Variants in DOCK9 observed in about 807,000 individuals in gnomAD.
The protein encoded by DOCK9 is dedicator of cytokinesis protein 9.
In DOCK9, 89 loss-of-function variants were observed where a neutral mutation model predicts 263.3. The observed-to-expected ratio is 0.34, with a 90% CI of 0.28 to 0.40. DOCK9 has a LOEUF of 0.40. DOCK9 is among the 10% of genes least tolerant of loss of function. DOCK9 has a pLI of 1.00. For missense variants in DOCK9, 2,140 were observed against 2,603.4 expected, an observed-to-expected ratio of 0.82 and a Z score of 3.87; for synonymous variants, 976 against 973.1, an observed-to-expected ratio of 1.00 and a Z score of -0.06.
intron 1 of DOCK9, among the ~76,000 whole-genome samples, chr13:99,050,980 G>GT (rs1185380641): frequency 1.3e-5 from 2 of 152,214 alleles, no homozygotes; most frequent in Non-Finnish European, 2.9e-5. Context: ...ACAGGTGGAC[G>GT]TAAGAAGGAT....
At position 98,800,456 on chromosome 13, in the gene DOCK9, C is replaced by T. The variant is rs894001068; in HGVS notation, c.5748G>A (p.Val1916=). Residue 1916 remains valine, a synonymous_variant, in exon 50 of 53, where the codon GTG becomes GTA. Coordinates refer to ENST00000682017, the MANE Select transcript of DOCK9 (RefSeq NM_001366683.2). ...GGTACATGACAGGGATGCGCTTCTT[C>T]ACATAAGGGAAGCAGTGTATGGCTG... ...ILTAIHCFPY[V]KKRIPVMYQH... 1.2e-6 allele frequency: 2 copies of T among 1,613,986 alleles called. No homozygotes were observed. Among genetic ancestry groups the T allele is most frequent in the Non-Finnish European group, 1.7e-6 (2 of 1,179,872 alleles).
intron 45 of DOCK9, among the ~76,000 whole-genome samples, chr13:98,822,796 C>A (rs1244836349): frequency 6.6e-6 from 1 of 151,988 alleles, no homozygotes; most frequent in African/African-American, 2.4e-5. Context: ...ACCTAGAAAA[C>A]TTTATTGGGG....
intron 1 of DOCK9, 79 bp downstream of exon 1, chr13:98,977,705 G>A: frequency 8.8e-7 from 1 of 1,134,150 alleles, no homozygotes; most frequent in Non-Finnish European, 1.2e-6. Context: ...ACAGGCAACA[G>A]GCGTCAACCC....
At chr13:98,804,895 C>T (rs2090509959) in intron 49 of DOCK9, 104 bp downstream of exon 49, 2 of 1,224,110 alleles carry the variant, frequency 1.6e-6, no homozygotes, top group South Asian at 2.8e-5. Flanking sequence ...GGGTGGCTAA[C>T]TGAGCTCGAA....
At chr13:99,059,041 C>G (rs1244610702) in intron 1 of DOCK9, among the ~76,000 whole-genome samples, 1 of 152,202 alleles carries the variant, frequency 6.6e-6, no homozygotes, top group Middle Eastern at 3.2e-3. Context: ...CTGTGAGGTC[C>G]TCTCTCCACT....
At chr13:99,022,762 G>A (rs1454311466) in intron 1 of DOCK9, among the ~76,000 whole-genome samples, 1 of 152,154 alleles carries the variant, frequency 6.6e-6, no homozygotes, top group Non-Finnish European at 1.5e-5. Context: ...GAGCAACATA[G>A]CAAGACCCCA....
At chr13:98,831,925 G>A in intron 39 of DOCK9, 139 bp from the exon 40 acceptor site, 1 of 1,021,212 alleles carries the variant, frequency 9.8e-7, no homozygotes, top group Admixed American at 2.8e-5. Flanking sequence ...GAATCCTCTA[G>A]GAAAGTACAG....
intron 1 of DOCK9, among the ~76,000 whole-genome samples, chr13:99,058,548 G>A (rs1023758290): frequency 2.6e-5 from 4 of 152,100 alleles, no homozygotes; most frequent in African/African-American, 9.7e-5. Context: ...TGTGTCAGCA[G>A]GTCCCAGGAC....
Position 98,914,359 on chromosome 13 carries a change from C to G in DOCK9, c.929G>C (p.Gly310Ala). The change falls in exon 9 of 53, where the codon GGT becomes GCT. Residue 310 changes from glycine to alanine, a missense_variant. Coordinates refer to ENST00000682017, the MANE Select transcript of DOCK9 (RefSeq NM_001366683.2). Reference protein sequence around the residue: ...EQSKLEGSGSGLDSYLPELAK... With the variant: ...EQSKLEGSGSALDSYLPELAK... ...AAGTTCCGGCAGGTAGCTATCTAAA[C>G]CGGAACCAGAACCTTCCAATTTGCT... 1 of 1,610,108 alleles carries G rather than the reference C, an allele frequency of 6.2e-7. No homozygotes were observed. The highest frequency in any genetic ancestry group is 2.2e-5 in the East Asian group (1 of 44,788).
intron 1 of DOCK9, among the ~76,000 whole-genome samples, chr13:98,975,236 G>A (rs2060126983): frequency 6.6e-6 from 1 of 151,874 alleles, no homozygotes; most frequent in African/African-American, 2.4e-5. Flanking sequence ...AAAATTAGCT[G>A]GGCATGGTGG....
chr13:98,911,539 T>A (rs2050030001), intron 9 of DOCK9, among the ~76,000 whole-genome samples: 1 of 152,202 alleles, frequency 6.6e-6, no homozygotes. Flanking sequence ...TATGTATAAA[T>A]AGTACATTGC....
At chr13:98,800,802 T>C (rs1223908417) in intron 49 of DOCK9, among the ~76,000 whole-genome samples, 1 of 152,182 alleles carries the variant, frequency 6.6e-6, no homozygotes, top group Non-Finnish European at 1.5e-5. Context: ...AGTTAGTGGA[T>C]ATAAGATGAC....
chr13:98,844,526 C>T (rs1443699753), intron 38 of DOCK9, among the ~76,000 whole-genome samples: 2 of 152,044 alleles, frequency 1.3e-5, no homozygotes, highest in Admixed American at 6.5e-5. Context: ...ATAAGCCTGA[C>T]TAGTTTTTGT....
chr13:98,804,538 G>A (rs1308406623), intron 49 of DOCK9, among the ~76,000 whole-genome samples: 4 of 152,144 alleles, frequency 2.6e-5, no homozygotes, highest in Admixed American at 2.0e-4. Context: ...GGGCAACAGC[G>A]TGGGGCGATC....
chr13:98,894,233 T>G (rs1341260321), intron 15 of DOCK9, among the ~76,000 whole-genome samples: 1 of 152,188 alleles, frequency 6.6e-6, no homozygotes, highest in Admixed American at 6.5e-5. Context: ...CCAACCTCCA[T>G]CACATATAAA....
chr13:98,954,757 T>C (rs2057827071), intron 2 of DOCK9, among the ~76,000 whole-genome samples: 1 of 152,092 alleles, frequency 6.6e-6, no homozygotes, highest in Non-Finnish European at 1.5e-5. Context: ...ATTAAGATTC[T>C]AAGGTACTTG....
chr13:98,923,410 T>C, intron 4 of DOCK9, 39 bp from the exon 5 acceptor site: 1 of 1,550,972 alleles, frequency 6.4e-7, no homozygotes, highest in East Asian at 2.2e-5. Context: ...TAGAAATGCC[T>C]AGTCAAGGAA....
At chr13:98,896,489 C>CAAA (rs35867799) in intron 15 of DOCK9, among the ~76,000 whole-genome samples, 1 of 91,834 alleles carries the variant, frequency 1.1e-5, no homozygotes, top group Non-Finnish European at 2.3e-5. Flanking sequence ...TTGATATGCA[C>CAAA]AAAAAAAAAA....
chr13:98,993,515 T>C (rs1880294920), intron 1 of DOCK9, among the ~76,000 whole-genome samples: 1 of 152,076 alleles, frequency 6.6e-6, no homozygotes, highest in Admixed American at 6.5e-5. Flanking sequence ...TAACAAACCA[T>C]GATAAAGAAA....
Sources: gnomAD v4.1 joint callset for allele counts (sites outside exome capture counted in the v4.1 genomes callset) on GRCh38, gnomAD v4.1.1 for gene constraint, MANE v1.5 for transcripts, NCBI Gene and HGNC (gene_info 2026-07-23, HGNC 2026-07-21) for gene names.